Variants in SRR observed in about 807,000 individuals in gnomAD.
SRR encodes the protein serine racemase, also known as D-serine ammonia-lyase.
A neutral mutation model predicts 32.7 loss-of-function variants in SRR; 19 were observed. The observed-to-expected ratio is 0.58, with a 90% confidence interval of 0.40 to 0.85. SRR has a LOEUF of 0.85. Ranked by LOEUF, SRR falls within the 40% of genes least tolerant of loss-of-function variation. The pLI, the probability that SRR is intolerant of heterozygous loss-of-function variation, is 0.00. For synonymous variants in SRR, 142 were observed against 140.9 expected (o/e 1.01, Z -0.06); for missense variants, 373 against 404.7 (o/e 0.92, Z 0.67).
At chr17:2,303,734 G>C (rs766541175), upstream of SRR, 39 of 1,489,388 alleles carry the variant, frequency 2.6e-5, no homozygotes, top group African/African-American at 1.9e-4. Flanking sequence ...CGCGGCTGCT[G>C]CTACAGCCGT....
intron 2 of SRR, 23 bp downstream of exon 2, chr17:2,315,751 T>C: frequency 1.2e-6 from 2 of 1,606,776 alleles, no homozygotes; most frequent in Non-Finnish European, 1.7e-6. Flanking sequence ...TTTCTCAGTG[T>C]ATCATGTATG....
intron 1 of SRR, among the ~76,000 whole-genome samples, chr17:2,310,778 G>C (rs2075427995): frequency 1.3e-5 from 2 of 151,464 alleles, no homozygotes; most frequent in African/African-American, 4.9e-5. Context: ...ACAGAGTCTT[G>C]CTCTGTCACC....
intron 4 of SRR, 123 bp from the exon 5 acceptor site, chr17:2,321,183 T>C: frequency 8.9e-7 from 1 of 1,126,400 alleles, no homozygotes; most frequent in South Asian, 1.5e-5. Flanking sequence ...AACATATATA[T>C]CTCTAGTACC....
intron 6 of SRR, among the ~76,000 whole-genome samples, chr17:2,321,925 G>C (rs1381710804): frequency 1.3e-5 from 2 of 152,080 alleles, no homozygotes; most frequent in Admixed American, 1.3e-4. Flanking sequence ...TTACAGGCAT[G>C]AGCCACCACA....
At chr17:2,308,407 T>C (rs1282383120) in intron 1 of SRR, among the ~76,000 whole-genome samples, 1 of 152,230 alleles carries the variant, frequency 6.6e-6, no homozygotes, top group Non-Finnish European at 1.5e-5. Flanking sequence ...CAAAAAATAA[T>C]TTTTAAAAAA....
chr17:2,318,063 TGA>T, intron 3 of SRR, 67 bp downstream of exon 3: 2 of 1,472,222 alleles, frequency 1.4e-6, no homozygotes, highest in Non-Finnish European at 1.8e-6. Flanking sequence ...TTAATTTCAG[TGA>T]GAGTGATGAT....
chr17:2,317,232 C>T (rs1597264845), intron 2 of SRR, among the ~76,000 whole-genome samples: 1 of 143,556 alleles, frequency 7.0e-6, no homozygotes, highest in Non-Finnish European at 1.5e-5. Flanking sequence ...AAAAAAAAGG[C>T]CGGGTGCGGT....
chr17:2,323,901 C>T lies in SRR; in HGVS notation c.*28C>T. ...TACAGAAAAGGAAATGGTGGGAATT[C>T]AGTGTCTTTAGATACTGAAGACATT... On this transcript the variant is annotated 3_prime_UTR_variant, in exon 8 of 8. Coordinates refer to ENST00000344595, the MANE Select transcript of SRR (RefSeq NM_021947.3). The T allele has an allele frequency of 6.3e-7, 1 of 1,596,826 alleles. No individual in the cohort carries two copies. Among genetic ancestry groups the T allele is most frequent in the African/African-American group, 1.3e-5 (1 of 74,618 alleles).
At position 2,307,263 on chromosome 17, in the gene SRR, T is replaced by C. The variant is rs576602181; in HGVS notation, c.-5+3246T>C. 2.9e-4 allele frequency: 339 copies of C among 1,172,138 alleles called. 3 individuals carry two copies. The South Asian group carries it at 3.4e-3, about 12-fold the overall frequency. The allele number at this position is 1,172,138 out of a possible 1,614,324, so 72.6% of individuals were successfully genotyped here. A position where few individuals can be genotyped will look rare whatever the true frequency, so the allele number is the denominator to read the frequency against. On this transcript the variant is annotated intron_variant, in intron 1 of 7. Transcript: ENST00000344595. ...ATAAGACTGTCATTCAGAAATACCA[T>C]ACTGTGAATGGCCACAACTGTGAAA...
In SRR at chr17:2,318,934, G is replaced by A; in HGVS notation, c.399+5G>A. ...TACTGTGAACCTAGTGATGAGGTAA[G>A]GAGAGCAGTGCTTGGTACCACCTTA... On this transcript the variant is annotated splice_donor_5th_base_variant and intron_variant, in intron 4 of 7. Coordinates refer to ENST00000344595, the MANE Select transcript of SRR (RefSeq NM_021947.3). 1 of 1,592,658 alleles carries A rather than the reference G, an allele frequency of 6.3e-7. No individual in the cohort carries two copies.
At chr17:2,323,468 G>A (rs1304557773) in intron 7 of SRR, 123 bp downstream of exon 7, 6 of 1,226,738 alleles carry the variant, frequency 4.9e-6, no homozygotes, top group Admixed American at 2.1e-5. Context: ...GACATGGGAG[G>A]GTACCCTAGA....
chr17:2,303,725 G>C (rs765106366), upstream of SRR: 1 of 1,491,578 alleles, frequency 6.7e-7, no homozygotes, highest in Non-Finnish European at 8.9e-7. Context: ...CGCCATCTTC[G>C]CGGCTGCTGC....
At position 2,318,619 on chromosome 17, in the gene SRR, A is replaced by ATT. The variant is rs35847724; in HGVS notation, c.296-184_296-183dup. 1.0e-3 allele frequency among the ~76,000 whole-genome samples: 95 copies of ATT among 92,514 alleles called. No homozygotes were observed. In the South Asian group the frequency reaches 0.017, roughly 17 times the overall value. The allele number at this position is 92,514 out of a possible 152,430, so 60.7% of individuals were successfully genotyped here. A position where few individuals can be genotyped will look rare whatever the true frequency, so the allele number is the denominator to read the frequency against. On this transcript the variant is annotated intron_variant, in intron 3 of 7. Coordinates refer to ENST00000344595, the MANE Select transcript of SRR (RefSeq NM_021947.3). ...CAGGAGCCTGCCACCATGCCTGGCT[A>ATT]TTTTTTTTTTTTTTTTTTTTTTTTG...
intron 2 of SRR, among the ~76,000 whole-genome samples, chr17:2,316,320 G>C (rs1218940520): frequency 6.6e-6 from 1 of 152,100 alleles, no homozygotes; most frequent in East Asian, 1.9e-4. Context: ...CTTAAGCAAA[G>C]CATGACTTTA....
At chr17:2,304,050 G>A (rs550747484) in intron 1 of SRR, 33 bp downstream of exon 1, 63 of 221,716 alleles carry the variant, frequency 2.8e-4, no homozygotes, top group African/African-American at 1.3e-3. Flanking sequence ...CAGGCCAGGC[G>A]GGCGTTTGCG....
At chr17:2,320,217 C>CA (rs1391515662) in intron 4 of SRR, among the ~76,000 whole-genome samples, 2 of 144,428 alleles carry the variant, frequency 1.4e-5, no homozygotes, top group Non-Finnish European at 3.0e-5. Context: ...TGGATAAACT[C>CA]AAACATTCCT....
chr17:2,303,438 G>A (rs553284149), upstream of SRR: 37 of 1,299,216 alleles, frequency 2.8e-5, no homozygotes, highest in East Asian at 9.2e-4. Flanking sequence ...GAGCTGGCCA[G>A]GACTGGCCGA....
Position 2,321,535 on chromosome 17 carries a change from A to G in SRR, c.520-7A>G. The stretch of plus-strand genomic sequence containing the variant: ...AAAACTGCTTACAGTTTATATTTTC[A>G]CTAAAGGTTCCTTTGGTGGATGCAC... On this transcript the variant is annotated splice_polypyrimidine_tract_variant and splice_region_variant and intron_variant, in intron 5 of 7. Transcript: ENST00000344595. The G allele has an allele frequency of 1.2e-6, 2 of 1,614,098 alleles. No homozygotes were observed. Among genetic ancestry groups the G allele is most frequent in the Non-Finnish European group, 1.7e-6 (2 of 1,179,984 alleles).
rs372564018 is a variant in SRR at position 2,315,629 on chromosome 17, C to T, written c.69C>T (p.Ile23=). 1 of 1,614,070 alleles carries T rather than the reference C, an allele frequency of 6.2e-7. No homozygotes were observed. ...CTCATATCAACATTCGAGATTCTATCCACCTCACACCAGTGCTAACAAGCT... is the reference window on the plus strand; with the variant it reads ...CTCATATCAACATTCGAGATTCTATTCACCTCACACCAGTGCTAACAAGCT... ...EKAHINIRDS[I]HLTPVLTSSI... Residue 23 remains isoleucine, a synonymous_variant, in exon 2 of 8, where the codon ATC becomes ATT. Coordinates refer to ENST00000344595, the MANE Select transcript of SRR (RefSeq NM_021947.3).
Sources: gnomAD v4.1 joint callset for allele counts (sites outside exome capture counted in the v4.1 genomes callset) on GRCh38, gnomAD v4.1.1 for gene constraint, MANE v1.5 for transcripts, NCBI Gene and HGNC (gene_info 2026-07-23, HGNC 2026-07-21) for gene names.